The following WNK3 variants were observed in gnomAD, a reference collection of about 807,000 sequenced individuals.
The protein encoded by WNK3 is serine/threonine-protein kinase WNK3.
WNK3 carries 18 observed loss-of-function variants against 116.7 expected under a neutral mutation model. The ratio of observed to expected loss-of-function variants is 0.15; its 90% CI spans 0.11 to 0.23. The LOEUF (loss-of-function observed/expected upper bound fraction) is 0.23, where lower values mean the gene tolerates loss of function less well. Among genes scored for constraint, WNK3 ranks in the 10% least tolerant of loss-of-function variants. The pLI is 1.00. For synonymous variants in WNK3, 404 were observed against 469.4 expected, an observed-to-expected ratio of 0.86 and a Z score of 1.80; for missense variants, 993 against 1,323.8, an observed-to-expected ratio of 0.75 and a Z score of 3.88.
intron 2 of WNK3, among the ~76,000 whole-genome samples, chrX:54,317,158 C>CTT (rs782412506): frequency 7.1e-5 from 7 of 98,499 alleles, no homozygotes; most frequent in Non-Finnish European, 1.2e-4. Context: ...ATGGATGAAT[C>CTT]TTTTTTTTTT....
chrX:54,237,237 T>C (rs1603378913), exon 20 of WNK3: 1 of 1,212,076 alleles, frequency 8.3e-7, no homozygotes. Flanking sequence ...TTCCTGTGGC[T>C]GAAGTTTCTT....
chrX:54,338,109 A>AT (rs1416928035), intron 1 of WNK3, among the ~76,000 whole-genome samples: 2 of 109,857 alleles, frequency 1.8e-5, no homozygotes, highest in African/African-American at 6.6e-5. Context: ...TGTTGGGAAA[A>AT]TTTTTTTTTA....
chrX:54,252,088 G>GAAAAGA (rs1266071785), intron 13 of WNK3, among the ~76,000 whole-genome samples: 20 of 100,349 alleles, frequency 2.0e-4, no homozygotes, highest in Non-Finnish European at 6.1e-5. Flanking sequence ...AAAAAGAAAA[G>GAAAAGA]AAAAGAAAAA....
intron 22 of WNK3, among the ~76,000 whole-genome samples, chrX:54,203,166 G>A (rs1236255720): frequency 8.9e-6 from 1 of 112,339 alleles, no homozygotes; most frequent in Non-Finnish European, 1.9e-5. Flanking sequence ...ATGAGTTGTG[G>A]AGCATAAGAT....
At chrX:54,249,665 G>A (rs1383634858) in intron 16 of WNK3, 31 bp from the exon 17 acceptor site, 8 of 1,135,213 alleles carry the variant, frequency 7.0e-6, no homozygotes, top group East Asian at 6.0e-5. Flanking sequence ...GGCTAAGCAC[G>A]TACTGACGAG....
chrX:54,211,722 C>T (rs1479565250), intron 22 of WNK3, among the ~76,000 whole-genome samples: 1 of 109,039 alleles, frequency 9.2e-6, no homozygotes, highest in African/African-American at 3.3e-5. Flanking sequence ...GAGAATCAAT[C>T]GCTTGAGCCC....
exon 16 of WNK3, chrX:54,249,997 G>A (rs782730940): frequency 8.3e-7 from 1 of 1,199,905 alleles, no homozygotes; most frequent in African/African-American, 1.8e-5. Flanking sequence ...AGCTTACTAG[G>A]AAGTGGATGT....
chrX:54,340,759 G>A (rs919921323), intron 1 of WNK3, among the ~76,000 whole-genome samples: 1 of 111,897 alleles, frequency 8.9e-6, no homozygotes, highest in Non-Finnish European at 1.9e-5. Flanking sequence ...TACTTATTGT[G>A]GAAATGCAAA....
intron 1 of WNK3, among the ~76,000 whole-genome samples, chrX:54,335,262 C>G (rs111456827): frequency 0.011 from 1,202 of 111,214 alleles, 14 homozygotes; most frequent in African/African-American, 0.038. Flanking sequence ...AAAACAACAA[C>G]AACAACAATA....
intron 20 of WNK3, among the ~76,000 whole-genome samples, chrX:54,236,039 G>A (rs2067957314): frequency 8.9e-6 from 1 of 111,988 alleles, no homozygotes; most frequent in Admixed American, 9.5e-5. Flanking sequence ...GAGACTACTG[G>A]TTACCCTTTT....
chrX:54,229,549 G>A (rs1390457434), intron 21 of WNK3, among the ~76,000 whole-genome samples: 6 of 109,557 alleles, frequency 5.5e-5, no homozygotes, highest in Non-Finnish European at 1.1e-4. Context: ...AAGTAGAGTA[G>A]CTAAAACAGT....
chrX:54,357,374 A>C (rs1435005829), intron 1 of WNK3, among the ~76,000 whole-genome samples: 1 of 110,658 alleles, frequency 9.0e-6, no homozygotes, highest in Non-Finnish European at 1.9e-5. Context: ...AAAGAAAACA[A>C]AACAAAAAAC....
exon 24 of WNK3, chrX:54,195,174 TCA>T (rs1557139806): frequency 2.7e-5 from 3 of 111,868 alleles, no homozygotes; most frequent in African/African-American, 9.7e-5. Flanking sequence ...GATGAAATGC[TCA>T]CATTACCACA....
intron 11 of WNK3, among the ~76,000 whole-genome samples, chrX:54,257,078 G>A (rs1026518886): frequency 9.0e-6 from 1 of 111,548 alleles, no homozygotes; most frequent in Non-Finnish European, 1.9e-5. Flanking sequence ...GGACCCCTAG[G>A]ACTTGAGTAA....
rs1442091063 is a variant in WNK3 at position 54,338,378 on chromosome X, C to T, written c.-119-4586G>A. On this transcript the variant is annotated intron_variant, in intron 1 of 23. Transcript: ENST00000354646. The stretch of plus-strand genomic sequence containing the variant: ...CAGAGGTTGCAGTGAGCCAAGATCA[C>T]GTCACCACATTCCAGCCTGGGCGAC... Among the ~76,000 whole-genome samples, 3 of 108,278 alleles carry T rather than the reference C, an allele frequency of 2.8e-5. No individual in the cohort carries two copies. In the Admixed American group the frequency reaches 3.0e-4, roughly 11 times the overall value. The allele number at this position is 108,278 out of a possible 115,157, so 94.0% of individuals were successfully genotyped here. A position where few individuals can be genotyped will look rare whatever the true frequency, so the allele number is the denominator to read the frequency against.
At chrX:54,244,414 T>C (rs1243193364) in intron 17 of WNK3, among the ~76,000 whole-genome samples, 1 of 111,676 alleles carries the variant, frequency 9.0e-6, no homozygotes, top group Non-Finnish European at 1.9e-5. Flanking sequence ...TAGTATTACA[T>C]AGTAAATGGC....
Position 54,302,071 on chromosome X carries a change from T to C in WNK3, c.1090-212A>G, listed in dbSNP as rs940928951. Among the ~76,000 whole-genome samples, 3 of 111,325 alleles carry C rather than the reference T, an allele frequency of 2.7e-5. No homozygotes were observed. In the East Asian group the frequency reaches 8.4e-4, roughly 31 times the overall value. On this transcript the variant is annotated intron_variant, in intron 5 of 23. Transcript: ENST00000354646. ...AACAGTAAAAAAACCTTAAATAATCTAAACTTCTGACAACAGAGGCAAAGT... is the reference window on the plus strand; with the variant it reads ...AACAGTAAAAAAACCTTAAATAATCCAAACTTCTGACAACAGAGGCAAAGT...
At chrX:54,245,145 CGTGTGTGTGTGTGTGT>C (rs782272022) in intron 17 of WNK3, among the ~76,000 whole-genome samples, 6 of 84,670 alleles carry the variant, frequency 7.1e-5, no homozygotes, top group African/African-American at 1.3e-4. Flanking sequence ...CATATATATG[CGTGTGTGTGTGTGTGT>C]GTGTGTGTGT....
chrX:54,214,866 A>C (rs1272773276), intron 22 of WNK3, among the ~76,000 whole-genome samples: 1 of 110,404 alleles, frequency 9.1e-6, no homozygotes, highest in Non-Finnish European at 1.9e-5. Flanking sequence ...ACAAAAAATT[A>C]GCCAGGCGTG....
Sources: allele counts gnomAD v4.1 joint callset (sites outside exome capture counted in the v4.1 genomes callset), GRCh38; gene constraint gnomAD v4.1.1; transcripts MANE v1.5; gene names NCBI Gene and HGNC (gene_info 2026-07-23, HGNC 2026-07-21).